Variants in WBP2NL observed in about 807,000 individuals in gnomAD.
The protein encoded by WBP2NL is postacrosomal sheath WW domain-binding protein.
Under a neutral mutation model 23.3 loss-of-function variants are expected in WBP2NL, and 27 were observed. The ratio of observed to expected loss-of-function variants is 1.16; its 90% CI spans 0.85 to 1.60. The LOEUF is 1.60. Among genes scored for constraint, WBP2NL ranks in the 40% most tolerant of loss-of-function variants. WBP2NL has a pLI of 0.00. For synonymous variants in WBP2NL, 151 were observed against 145.9 expected, an observed-to-expected ratio of 1.03 and a Z score of -0.25; for missense variants, 370 against 389.5, an observed-to-expected ratio of 0.95 and a Z score of 0.42.
At chr22:42,007,552 T>C (rs183865065) in intron 1 of WBP2NL, among the ~76,000 whole-genome samples, 165 of 152,268 alleles carry the variant, frequency 1.1e-3, no homozygotes, top group African/African-American at 3.8e-3. Context: ...ATTAAACAAT[T>C]CCCTCTATCC....
intron 8 of WBP2NL, among the ~76,000 whole-genome samples, chr22:42,053,147 G>A (rs536838634): frequency 4.6e-5 from 7 of 152,266 alleles, no homozygotes; most frequent in Admixed American, 3.9e-4. Context: ...AGGTTCAACC[G>A]TGTTGTGGCA....
chr22:42,029,046 C>T (rs1197787140), downstream of WBP2NL, among the ~76,000 whole-genome samples: 1 of 152,180 alleles, frequency 6.6e-6, no homozygotes, highest in Non-Finnish European at 1.5e-5. Context: ...GCTTTCAGCC[C>T]CTTCAGAGCT....
chr22:41,999,005 CCGCCCCCGACCTTTGGGAGCGCG>C, intron 1 of WBP2NL, 125 bp downstream of exon 1: 1 of 1,145,368 alleles, frequency 8.7e-7, no homozygotes, highest in South Asian at 1.8e-5. Context: ...GCTCTTAGCT[CCGCCCCCGACCTTTGGGAGCGCG>C]CGCCCCTCAC....
chr22:42,001,464 C>T (rs1306663640), intron 1 of WBP2NL: 3 of 911,820 alleles, frequency 3.3e-6, no homozygotes, highest in African/African-American at 1.6e-5. Flanking sequence ...CTCTTAATCC[C>T]GTCAGATTTG....
intron 4 of WBP2NL, among the ~76,000 whole-genome samples, chr22:42,020,736 C>A (rs1923816394): frequency 2.0e-5 from 3 of 150,240 alleles, no homozygotes; most frequent in African/African-American, 7.4e-5. Flanking sequence ...CAGGTTTAGT[C>A]CCCATCTTAC....
chr22:42,024,326 A>G (rs895032981), intron 5 of WBP2NL, among the ~76,000 whole-genome samples: 1 of 152,150 alleles, frequency 6.6e-6, no homozygotes. Context: ...CTACGTAGAC[A>G]TATGTTTTCA....
chr22:42,015,468 T>C (rs1217241157), intron 1 of WBP2NL, among the ~76,000 whole-genome samples: 1 of 152,094 alleles, frequency 6.6e-6, no homozygotes, highest in Non-Finnish European at 1.5e-5. Context: ...AATGGCATGA[T>C]CTTGGCTCAC....
At chr22:42,056,578 G>T (rs967713943) in intron 8 of WBP2NL, among the ~76,000 whole-genome samples, 37 of 152,116 alleles carry the variant, frequency 2.4e-4, no homozygotes, top group African/African-American at 8.9e-4. Flanking sequence ...GATGAACTCT[G>T]TTTTTGTTTA....
chr22:42,011,773 CTTG>C (rs1231920358), intron 1 of WBP2NL, among the ~76,000 whole-genome samples: 4 of 149,362 alleles, frequency 2.7e-5, no homozygotes, highest in East Asian at 3.9e-4. Context: ...TGTTGTTTTT[CTTG>C]TTGTTGTTGT....
intron 1 of WBP2NL, chr22:42,002,680 C>T (rs1209120695): frequency 6.6e-6 from 1 of 152,152 alleles, no homozygotes; most frequent in Non-Finnish European, 1.5e-5. Flanking sequence ...AAAAAGAAGT[C>T]ATTTGCTTAA....
chr22:42,020,883 TATATATATATATATATA>T (rs1923866305), intron 4 of WBP2NL, among the ~76,000 whole-genome samples: 1 of 37,816 alleles, frequency 2.6e-5, no homozygotes, highest in Non-Finnish European at 5.4e-5. Context: ...TATATATATA[TATATATATATATATATA>T]TATATATATT....
chr22:42,021,696 T>A (rs921422393), intron 4 of WBP2NL, among the ~76,000 whole-genome samples: 3 of 152,150 alleles, frequency 2.0e-5, no homozygotes, highest in Admixed American at 1.3e-4. Flanking sequence ...GGTGCTATGC[T>A]AGGCCTGGAA....
intron 1 of WBP2NL, among the ~76,000 whole-genome samples, chr22:42,003,682 T>A (rs129857): frequency 1.3e-4 from 19 of 151,994 alleles, no homozygotes; most frequent in African/African-American, 4.6e-4. Flanking sequence ...ATGGAAAATA[T>A]GGGTTGCGAA....
intron 5 of WBP2NL, among the ~76,000 whole-genome samples, chr22:42,022,992 G>T (rs1402885318): frequency 6.6e-6 from 1 of 152,118 alleles, no homozygotes; most frequent in Non-Finnish European, 1.5e-5. Context: ...GTTTTTAAAG[G>T]TTATTACAGT....
At position 42,020,010 on chromosome 22, in the gene WBP2NL, G is replaced by T. The variant is rs1223238251; in HGVS notation, c.320G>T (p.Trp107Leu). 1 of 1,613,818 alleles carries T rather than the reference G, an allele frequency of 6.2e-7. No individual in the cohort carries two copies. The highest frequency in any genetic ancestry group is 1.1e-5 in the South Asian group (1 of 90,938). ...GTGCCATTTCTTCCCCCAGGTGGCT[G>T]GGAAGGACAAGCTACTTTTAAATTA... ...GTIQAAPYGG[W>L]EGQATFKLVF... The change falls in exon 4 of 6, where the codon TGG becomes TTG. Residue 107 changes from tryptophan to leucine, a missense_variant. Coordinates refer to ENST00000328823, the MANE Select transcript of WBP2NL (RefSeq NM_152613.3).
downstream of WBP2NL, chr22:42,033,031 A>C: frequency 1.2e-5 from 2 of 168,386 alleles, no homozygotes; most frequent in Non-Finnish European, 1.3e-5. Flanking sequence ...GGCTCATTCC[A>C]CCCACCCGGC....
At chr22:42,020,153 G>A (rs1923751103) in intron 4 of WBP2NL, 57 bp downstream of exon 4, 1 of 1,494,896 alleles carries the variant, frequency 6.7e-7, no homozygotes, top group Non-Finnish European at 9.1e-7. Flanking sequence ...TGTTTGTTTG[G>A]GTTTTTTGTT....
rs1569452198 is a variant in WBP2NL, at chr22:42,028,035, C to T, written c.*854C>T. 1 of 398,374 alleles carries T rather than the reference C, an allele frequency of 2.5e-6. No individual in the cohort carries two copies. The highest frequency in any genetic ancestry group is 4.4e-6 in the Non-Finnish European group (1 of 226,030). The allele number at this position is 398,374 out of a possible 1,614,324, so 24.7% of individuals were successfully genotyped here. The stretch of plus-strand genomic sequence containing the variant: ...TAAAACTCTTGATATGGCACTTTCA[C>T]ATTTTAAAATATGCCTGCGAGAAAA... On this transcript the variant is annotated 3_prime_UTR_variant, in exon 6 of 6. Coordinates refer to ENST00000328823, the MANE Select transcript of WBP2NL (RefSeq NM_152613.3).
chr22:42,021,789 C>CTTTTTT (rs11413615), intron 4 of WBP2NL, among the ~76,000 whole-genome samples: 2 of 132,692 alleles, frequency 1.5e-5, no homozygotes, highest in African/African-American at 5.7e-5. Context: ...TTCTTTCTTT[C>CTTTTTT]TTTTTTTTTT....
Sources: gnomAD v4.1 joint callset for allele counts (sites outside exome capture counted in the v4.1 genomes callset) on GRCh38, gnomAD v4.1.1 for gene constraint, MANE v1.5 for transcripts, NCBI Gene and HGNC (gene_info 2026-07-23, HGNC 2026-07-21) for gene names.